The following SELENOI variants were observed in gnomAD, a reference collection of about 807,000 sequenced individuals.
The protein encoded by SELENOI is selenoprotein I, also known as ethanolaminephosphotransferase 1.
SELENOI carries 24 observed loss-of-function variants against 50.7 expected under a neutral mutation model. The ratio of observed to expected loss-of-function variants is 0.47; its 90% CI spans 0.34 to 0.67. The LOEUF (loss-of-function observed/expected upper bound fraction) is 0.67. Ranked by LOEUF, SELENOI falls within the 30% of genes least tolerant of loss-of-function variation. SELENOI has a pLI of 0.01. For missense variants in SELENOI, 352 were observed against 461.4 expected, an observed-to-expected ratio of 0.76 and a Z score of 2.17; for synonymous variants, 155 against 170.2, an observed-to-expected ratio of 0.91 and a Z score of 0.70.
chr2:26,370,734 CG>C lies in SELENOI; in HGVS notation c.311-2627del, dbSNP rs1234959320. Among the ~76,000 whole-genome samples, 15 of 142,184 alleles carry C rather than the reference CG, an allele frequency of 1.1e-4. No individual in the cohort carries two copies. In the South Asian group the frequency reaches 3.4e-3, roughly 32 times the overall value. The allele number at this position is 142,184 out of a possible 152,430, so 93.3% of individuals were successfully genotyped here. ...CTCCCGGACGGGGCGGCTGGCCGGG[CG>C]GGGGGCTGACCCCCCCACCTCCCTC... On this transcript the variant is annotated intron_variant, in intron 4 of 9. Transcript: ENST00000260585.
chr2:26,363,902 C>T (rs1312279427), intron 1 of SELENOI, among the ~76,000 whole-genome samples: 1 of 151,982 alleles, frequency 6.6e-6, no homozygotes, highest in Non-Finnish European at 1.5e-5. Context: ...CACCATGGCC[C>T]AGCAAATTTT....
chr2:26,376,127 C>T (rs1677563340), intron 6 of SELENOI, among the ~76,000 whole-genome samples: 1 of 150,396 alleles, frequency 6.6e-6, no homozygotes, highest in Non-Finnish European at 1.5e-5. Flanking sequence ...TAAAAAATAA[C>T]CCTTTCCCAT....
At chr2:26,381,183 C>T (rs1260643855) in intron 6 of SELENOI, among the ~76,000 whole-genome samples, 2 of 72,420 alleles carry the variant, frequency 2.8e-5, no homozygotes, top group Non-Finnish European at 5.1e-5. Flanking sequence ...TGGATTGTAT[C>T]TCCTTCAGTT....
chr2:26,383,796 C>T (rs796115230), intron 7 of SELENOI, among the ~76,000 whole-genome samples: 5 of 152,206 alleles, frequency 3.3e-5, no homozygotes, highest in East Asian at 1.9e-4. Context: ...ATTGCTTGAA[C>T]CTGGGAGGCG....
At chr2:26,359,633 ACT>A (rs759372129) in intron 1 of SELENOI, among the ~76,000 whole-genome samples, 2 of 151,974 alleles carry the variant, frequency 1.3e-5, no homozygotes, top group Admixed American at 6.6e-5. Context: ...ACAGAGTGAG[ACT>A]CTGTCTCAAA....
chr2:26,352,522 C>T (rs901215475), intron 1 of SELENOI, among the ~76,000 whole-genome samples: 31 of 152,252 alleles, frequency 2.0e-4, no homozygotes, highest in Admixed American at 4.6e-4. Context: ...CGGTGGCTCA[C>T]GCCTGTAATC....
intron 4 of SELENOI, among the ~76,000 whole-genome samples, chr2:26,370,332 G>A (rs1034232390): frequency 2.6e-5 from 4 of 151,552 alleles, no homozygotes; most frequent in South Asian, 2.1e-4. Flanking sequence ...ATTCCACAAA[G>A]CCGCCATTGT....
At chr2:26,386,670 G>T in intron 9 of SELENOI, 134 bp downstream of exon 9, 1 of 684,210 alleles carries the variant, frequency 1.5e-6, no homozygotes, top group Admixed American at 3.8e-5. Context: ...AGGGTTTTGG[G>T]ATATTCTCTA....
At chr2:26,358,128 C>T (rs893922359) in intron 1 of SELENOI, among the ~76,000 whole-genome samples, 5 of 152,206 alleles carry the variant, frequency 3.3e-5, no homozygotes, top group East Asian at 1.9e-4. Context: ...CTCAGTGGGG[C>T]GCAGTGGCTC....
intron 4 of SELENOI, among the ~76,000 whole-genome samples, chr2:26,368,037 T>C (rs1424462876): frequency 6.6e-6 from 1 of 152,206 alleles, no homozygotes; most frequent in African/African-American, 2.4e-5. Context: ...TCGTAGACAC[T>C]CGGTACATAG....
intron 3 of SELENOI, 69 bp from the exon 4 acceptor site, chr2:26,367,077 T>C (rs766390765): frequency 3.9e-6 from 5 of 1,277,856 alleles, no homozygotes; most frequent in East Asian, 2.6e-5. Flanking sequence ...CTTCTCACTG[T>C]CAGTATATGC....
rs57102834 is a variant in SELENOI, at chr2:26,381,198, C to CT, written c.683-2070dup. 6.0e-3 allele frequency among the ~76,000 whole-genome samples: 181 copies of CT among 30,196 alleles called. 21 individuals are homozygous for CT. Among genetic ancestry groups the CT allele is most frequent in the African/African-American group, 0.018 (97 of 5,532 alleles). The allele number at this position is 30,196 out of a possible 152,430, so 19.8% of individuals were successfully genotyped here. A position where few individuals can be genotyped will look rare whatever the true frequency, so the allele number is the denominator to read the frequency against. On this transcript the variant is annotated intron_variant, in intron 6 of 9. Coordinates refer to ENST00000260585, the MANE Select transcript of SELENOI (RefSeq NM_033505.4). Reference sequence around the variant, plus strand: ...TGGATTGTATCTCCTTCAGTTTGGTCTTTTTTTTTTTTTTTTTTTTTTTTT... The same window carrying CT: ...TGGATTGTATCTCCTTCAGTTTGGTCTTTTTTTTTTTTTTTTTTTTTTTTTT...
rs565838053 is a variant in SELENOI, at chr2:26,370,685, C to T, written c.311-2682C>T. ...GGGGCTCCTCACGTCCCAGTAGGGG[C>T]CACCGGGCAGAGGCGCCCCTCACCT... On this transcript the variant is annotated intron_variant, in intron 4 of 9. Transcript: ENST00000260585. Among the ~76,000 whole-genome samples, 296 of 128,450 alleles carry T rather than the reference C, an allele frequency of 2.3e-3. 1 individual carries two copies. Among genetic ancestry groups the T allele is most frequent in the African/African-American group, 8.4e-3 (278 of 33,154 alleles). The allele number at this position is 128,450 out of a possible 152,430, so 84.3% of individuals were successfully genotyped here. A position where few individuals can be genotyped will look rare whatever the true frequency, so the allele number is the denominator to read the frequency against.
chr2:26,363,384 C>T (rs968156092), intron 1 of SELENOI, among the ~76,000 whole-genome samples: 5 of 152,076 alleles, frequency 3.3e-5, no homozygotes, highest in Non-Finnish European at 7.3e-5. Context: ...ACACAGATTC[C>T]GCTAAGTTGA....
intron 8 of SELENOI, among the ~76,000 whole-genome samples, 200 bp from the exon 9 acceptor site, chr2:26,386,154 C>CT (rs1259604551): frequency 6.6e-6 from 1 of 152,110 alleles, no homozygotes; most frequent in African/African-American, 2.4e-5. Context: ...GACACACACT[C>CT]TGAGGTTACA....
chr2:26,384,061 C>A (rs1441547355), intron 7 of SELENOI, among the ~76,000 whole-genome samples: 5 of 152,068 alleles, frequency 3.3e-5, no homozygotes, highest in African/African-American at 1.2e-4. Context: ...TTTTGCTCAG[C>A]CACACTGAAT....
At chr2:26,367,792 C>G (rs1167404987) in intron 4 of SELENOI, among the ~76,000 whole-genome samples, 2 of 152,136 alleles carry the variant, frequency 1.3e-5, no homozygotes, top group African/African-American at 4.8e-5. Context: ...GCAGGGAGGC[C>G]TACTGTGCTA....
At chr2:26,358,563 C>T (rs1371692139) in intron 1 of SELENOI, among the ~76,000 whole-genome samples, 1 of 152,126 alleles carries the variant, frequency 6.6e-6, no homozygotes, top group Non-Finnish European at 1.5e-5. Flanking sequence ...AGAAGGTCTA[C>T]GTTGATTGGC....
chr2:26,378,516 TC>T (rs1677615938), intron 6 of SELENOI, among the ~76,000 whole-genome samples: 1 of 152,194 alleles, frequency 6.6e-6, no homozygotes, highest in South Asian at 2.1e-4. Flanking sequence ...TTCTACAATA[TC>T]CCCCACCCTG....
Sources: gnomAD v4.1 joint callset for allele counts (sites outside exome capture counted in the v4.1 genomes callset) on GRCh38, gnomAD v4.1.1 for gene constraint, MANE v1.5 for transcripts, NCBI Gene and HGNC (gene_info 2026-07-23, HGNC 2026-07-21) for gene names.